MCF2L2: variants seen among roughly 807,000 people sequenced by gnomAD.
MCF2L2 encodes the protein probable guanine nucleotide exchange factor MCF2L2.
In MCF2L2, 102 loss-of-function variants were observed where a neutral mutation model predicts 150.2. The observed-to-expected ratio is 0.68, with a 90% CI of 0.58 to 0.80. The LOEUF is 0.80. Among genes scored for constraint, MCF2L2 ranks in the 30% least tolerant of loss-of-function variants. The probability of loss-of-function intolerance (pLI) is 0.00; values close to 1 mark genes in which losing one functional copy is unlikely to be tolerated. For synonymous variants in MCF2L2, 465 were observed against 491.3 expected, an observed-to-expected ratio of 0.95 and a Z score of 0.71; for missense variants, 1,256 against 1,372.8, an observed-to-expected ratio of 0.91 and a Z score of 1.34.
intron 22 of MCF2L2, among the ~76,000 whole-genome samples, chr3:183,214,540 A>G (rs1398066002): frequency 1.3e-5 from 2 of 152,166 alleles, no homozygotes; most frequent in African/African-American, 4.8e-5. Context: ...TTGATTTATG[A>G]CAAGGAAAGA....
Position 183,295,408 on chromosome 3 carries a change from G to C in MCF2L2, c.1567C>G (p.Leu523Val). Residue 523 changes from leucine to valine, a missense_variant, in exon 13 of 30, where the codon CTG becomes GTG. Leu to Val is a conservative substitution (Grantham distance 32). Coordinates refer to ENST00000328913, the MANE Select transcript of MCF2L2 (RefSeq NM_015078.4). ...GTCTGTTTGGCTGCCAGTTTCATCA[G>C]ACTCACTTGCCTCTTGTGAAATATT... The part of the protein sequence containing the change: ...QEIFHKRQVS[L>V]MKLAAKQTRP... The C allele has an allele frequency of 6.2e-7, 1 of 1,614,146 alleles. No homozygotes were observed. Among genetic ancestry groups the C allele is most frequent in the Non-Finnish European group, 8.5e-7 (1 of 1,179,992 alleles).
chr3:183,339,362 A>G (rs573226906), intron 4 of MCF2L2, among the ~76,000 whole-genome samples: 1 of 152,268 alleles, frequency 6.6e-6, no homozygotes, highest in Non-Finnish European at 1.5e-5. Flanking sequence ...TTAATGTTAT[A>G]CCATAGGCTT....
rs893129303 is a variant in MCF2L2, at chr3:183,215,970, G to A, written c.2495C>T (p.Pro832Leu). The change falls in exon 22 of 30, where the codon CCG (proline) becomes CTG (leucine). Residue 832 changes from proline to leucine, a missense_variant and splice_region_variant. Coordinates refer to ENST00000328913, the MANE Select transcript of MCF2L2 (RefSeq NM_015078.4). Reference protein sequence around the residue: ...AVDLAAVTECPDDIGKLGKLL... With the variant: ...AVDLAAVTECLDDIGKLGKLL... ...CTCTAACACTACTATGGAACATACCGGACATTCAGTCACTGCTGCTAGGTC... is the reference window on the plus strand; with the variant it reads ...CTCTAACACTACTATGGAACATACCAGACATTCAGTCACTGCTGCTAGGTC... 18 of 1,612,774 alleles carry A rather than the reference G, an allele frequency of 1.1e-5. No individual in the cohort carries two copies. Among genetic ancestry groups the A allele is most frequent in the African/African-American group, 8.0e-5 (6 of 74,810 alleles).
At chr3:183,407,397 T>C (rs922288174) in intron 1 of MCF2L2, among the ~76,000 whole-genome samples, 3 of 152,244 alleles carry the variant, frequency 2.0e-5, no homozygotes, top group African/African-American at 7.2e-5. Context: ...AAATATACAA[T>C]AGATTTTTTA....
chr3:183,332,115 G>A (rs561996065), intron 5 of MCF2L2, among the ~76,000 whole-genome samples: 8 of 152,246 alleles, frequency 5.3e-5, no homozygotes, highest in Non-Finnish European at 1.0e-4. Flanking sequence ...ATCACAACAC[G>A]TTTTAAAAAT....
At chr3:183,323,199 A>G (rs1286193628) in intron 6 of MCF2L2, 36 bp downstream of exon 6, 1 of 1,432,618 alleles carries the variant, frequency 7.0e-7, no homozygotes, top group Middle Eastern at 1.8e-4. Flanking sequence ...GAAAACAAGG[A>G]GAGACAGTGA....
intron 1 of MCF2L2, among the ~76,000 whole-genome samples, chr3:183,420,675 T>G (rs1448041392): frequency 6.6e-6 from 1 of 152,204 alleles, no homozygotes; most frequent in Non-Finnish European, 1.5e-5. Flanking sequence ...TAGTTCCGCC[T>G]GGCTGGGGAA....
intron 1 of MCF2L2, among the ~76,000 whole-genome samples, chr3:183,419,297 G>A (rs1352509297): frequency 2.0e-5 from 3 of 152,246 alleles, no homozygotes; most frequent in Non-Finnish European, 2.9e-5. Flanking sequence ...AGGCCTCTGG[G>A]ACTGTGATGG....
chr3:183,308,544 G>A (rs6794741), intron 10 of MCF2L2, among the ~76,000 whole-genome samples: 31,667 of 152,040 alleles, frequency 0.21, 3,573 homozygotes, highest in East Asian at 0.36. Flanking sequence ...AGCGCTCGCT[G>A]TGAAGGGATG....
chr3:183,389,803 G>T, intron 1 of MCF2L2, 24 bp from the exon 2 acceptor site: 2 of 1,585,268 alleles, frequency 1.3e-6, no homozygotes, highest in Non-Finnish European at 8.7e-7. Flanking sequence ...ATACAAAGTG[G>T]GTTAGTTAAA....
At position 183,379,346 on chromosome 3, in the gene MCF2L2, G is replaced by C. The variant is rs771430349; in HGVS notation, c.226C>G (p.Pro76Ala). 4 of 1,610,802 alleles carry C rather than the reference G, an allele frequency of 2.5e-6. No homozygotes were observed. The highest frequency in any genetic ancestry group is 3.4e-6 in the Non-Finnish European group (4 of 1,178,664). Residue 76 changes from proline (P) to alanine (A), a missense_variant, in exon 3 of 30, where the codon CCA (proline) becomes GCA (alanine). Physicochemically the swap from Pro to Ala is conservative, Grantham distance 27 (BLOSUM62 -1). Coordinates refer to ENST00000328913, the MANE Select transcript of MCF2L2 (RefSeq NM_015078.4). ...ATGACATTCAGGAAGTCTTCATCTG[G>C]GATGTGTTTGAACCCCGAAAACTCT... The part of the protein sequence containing the change: ...FPEFSGFKHI[P>A]DEDFLNVMTY...
At chr3:183,182,182 C>T (rs1032963044) in intron 27 of MCF2L2, among the ~76,000 whole-genome samples, 1 of 152,146 alleles carries the variant, frequency 6.6e-6, no homozygotes, top group Non-Finnish European at 1.5e-5. Context: ...TTTGCCTGAA[C>T]GTGGAAAGAG....
At chr3:183,269,063 G>T (rs985195787) in intron 15 of MCF2L2, among the ~76,000 whole-genome samples, 2 of 151,886 alleles carry the variant, frequency 1.3e-5, no homozygotes, top group African/African-American at 4.8e-5. Context: ...CTTGTCTGGG[G>T]CAAGCCTTAA....
chr3:183,271,738 CG>C (rs1463035934), intron 15 of MCF2L2: 2 of 166,692 alleles, frequency 1.2e-5, no homozygotes, highest in Non-Finnish European at 2.9e-5. Flanking sequence ...ATTTTAATGA[CG>C]TTTTCAACTG....
At chr3:183,421,344 T>G (rs1715872774) in intron 1 of MCF2L2, among the ~76,000 whole-genome samples, 1 of 152,256 alleles carries the variant, frequency 6.6e-6, no homozygotes, top group Non-Finnish European at 1.5e-5. Flanking sequence ...GCTCTATTCA[T>G]TTTTCTCTCT....
At chr3:183,317,837 A>G (rs545924289) in intron 7 of MCF2L2, among the ~76,000 whole-genome samples, 4 of 151,662 alleles carry the variant, frequency 2.6e-5, no homozygotes, top group African/African-American at 9.7e-5. Context: ...CCAGTCTCAA[A>G]AGACTCACTC....
intron 5 of MCF2L2, among the ~76,000 whole-genome samples, chr3:183,337,426 A>G (rs938150608): frequency 6.6e-6 from 1 of 151,878 alleles, no homozygotes; most frequent in South Asian, 2.1e-4. Flanking sequence ...GCGTGGTGGC[A>G]GGCACCTGTA....
chr3:183,320,866 T>C (rs1258470757), intron 6 of MCF2L2, among the ~76,000 whole-genome samples: 2 of 152,202 alleles, frequency 1.3e-5, no homozygotes, highest in Non-Finnish European at 2.9e-5. Context: ...TTCAAGCTTT[T>C]GATTTAAAGT....
chr3:183,425,526 T>C (rs1402772239), intron 1 of MCF2L2, among the ~76,000 whole-genome samples: 1 of 152,136 alleles, frequency 6.6e-6, no homozygotes, highest in Non-Finnish European at 1.5e-5. Flanking sequence ...AATCTACCCT[T>C]GAGAAGCTCC....
Sources: gnomAD v4.1 joint callset for allele counts (sites outside exome capture counted in the v4.1 genomes callset) on GRCh38, gnomAD v4.1.1 for gene constraint, MANE v1.5 for transcripts, NCBI Gene and HGNC (gene_info 2026-07-23, HGNC 2026-07-21) for gene names.